SEPTIN9: variants seen among roughly 807,000 people sequenced by gnomAD.
SEPTIN9 encodes the protein septin-9.
SEPTIN9 carries 13 observed loss-of-function variants against 56.6 expected under a neutral mutation model. That is an observed-to-expected ratio of 0.23 (90% CI 0.15 to 0.37). The LOEUF (loss-of-function observed/expected upper bound fraction) is 0.37. Among genes scored for constraint, SEPTIN9 ranks in the 10% least tolerant of loss-of-function variants. The probability of loss-of-function intolerance (pLI) is 1.00; values close to 1 mark genes in which losing one functional copy is unlikely to be tolerated. For missense variants in SEPTIN9, 650 were observed against 823.1 expected, an observed-to-expected ratio of 0.79 and a Z score of 2.57; for synonymous variants, 332 against 334.1, an observed-to-expected ratio of 0.99 and a Z score of 0.07.
intron 4 of SEPTIN9, among the ~76,000 whole-genome samples, chr17:77,484,712 T>G (rs1196606431): frequency 1.1e-3 from 38 of 35,632 alleles, no homozygotes; most frequent in East Asian, 2.9e-3. Flanking sequence ...GGTGGTGATG[T>G]GGGTGGTGGT....
chr17:77,418,174 C>T (rs2036569190), intron 3 of SEPTIN9, among the ~76,000 whole-genome samples: 1 of 152,174 alleles, frequency 6.6e-6, no homozygotes, highest in African/African-American at 2.4e-5. Flanking sequence ...GAGGCCTGGA[C>T]ACAGGTGTGG....
At chr17:77,455,048 CT>C (rs75305961) in intron 3 of SEPTIN9, among the ~76,000 whole-genome samples, 1,523 of 145,208 alleles carry the variant, frequency 0.01, 16 homozygotes, top group African/African-American at 0.033. Context: ...GGCTCTCTTT[CT>C]TTTTTTTTTT....
chr17:77,412,251 C>G (rs560261238), intron 3 of SEPTIN9, among the ~76,000 whole-genome samples: 1 of 152,166 alleles, frequency 6.6e-6, no homozygotes, highest in Non-Finnish European at 1.5e-5. Context: ...GGGCCCTGTG[C>G]AGTGATGGTC....
rs565978600 is a variant in SEPTIN9 at position 77,453,960 on chromosome 17, C to A, written c.722-28184C>A. 1.1e-5 allele frequency: 8 copies of A among 751,044 alleles called. No individual in the cohort carries two copies. In the South Asian group the frequency reaches 3.6e-4, roughly 34 times the overall value. The allele number at this position is 751,044 out of a possible 1,614,324, so 46.5% of individuals were successfully genotyped here. A position where few individuals can be genotyped will look rare whatever the true frequency, so the allele number is the denominator to read the frequency against. Reference sequence around the variant, plus strand: ...GGCCCCTTTAAGAAGCCTGTCACCACCACCAGCAGCTTCCGTTATCTGGTT... The same window carrying A: ...GGCCCCTTTAAGAAGCCTGTCACCAACACCAGCAGCTTCCGTTATCTGGTT... On this transcript the variant is annotated intron_variant, in intron 3 of 11. Transcript: ENST00000427177. This position sits in a 1 kb window ranked among gnomAD's most constrained non-coding sequence, Gnocchi z 4.4.
intron 1 of SEPTIN9, among the ~76,000 whole-genome samples, chr17:77,297,359 G>T (rs544122268): frequency 6.6e-6 from 1 of 152,272 alleles, no homozygotes; most frequent in Non-Finnish European, 1.5e-5. Flanking sequence ...CTGCCTTTTT[G>T]TTGTCTGGCA....
intron 3 of SEPTIN9, among the ~76,000 whole-genome samples, chr17:77,470,208 G>A (rs996525336): frequency 1.4e-4 from 16 of 113,916 alleles, no homozygotes; most frequent in East Asian, 6.1e-4. Flanking sequence ...CTCATCATCC[G>A]TCCACTCACC....
intron 3 of SEPTIN9, among the ~76,000 whole-genome samples, chr17:77,479,255 G>A (rs886610180): frequency 2.6e-5 from 4 of 152,254 alleles, no homozygotes; most frequent in Admixed American, 1.3e-4. Context: ...AATGGAGTGG[G>A]TGATCTTTAC....
rs1367502753 is a variant in SEPTIN9 at position 77,429,546 on chromosome 17, G to C, written c.721+26843G>C. On this transcript the variant is annotated intron_variant, in intron 3 of 11. Coordinates refer to ENST00000427177, the MANE Select transcript of SEPTIN9 (RefSeq NM_001113491.2). This position sits in a 1 kb window ranked among gnomAD's most constrained non-coding sequence, Gnocchi z 5.2. ...GCGCAAGGCTGGTTCCTGTTTTCTGGGCTTTGATCGAAAGGGAACAGGGGA... is the reference window on the plus strand; with the variant it reads ...GCGCAAGGCTGGTTCCTGTTTTCTGCGCTTTGATCGAAAGGGAACAGGGGA... Among the ~76,000 whole-genome samples the C allele has an allele frequency of 1.3e-5, 2 of 152,230 alleles. No homozygotes were observed. The highest frequency in any genetic ancestry group is 2.9e-5 in the Non-Finnish European group (2 of 68,040).
intron 1 of SEPTIN9, among the ~76,000 whole-genome samples, chr17:77,287,674 C>A (rs1440309310): frequency 6.6e-6 from 1 of 152,188 alleles, no homozygotes; most frequent in African/African-American, 2.4e-5. Flanking sequence ...CCATTTGCAG[C>A]CCCTGTGAAG....
intron 2 of SEPTIN9, among the ~76,000 whole-genome samples, chr17:77,333,808 T>G (rs1041982569): frequency 6.6e-6 from 1 of 152,002 alleles, no homozygotes; most frequent in Admixed American, 6.6e-5. Flanking sequence ...CAAACTTCAT[T>G]TTTTTTTAAA....
At chr17:77,406,960 G>T (rs114817811) in intron 3 of SEPTIN9, among the ~76,000 whole-genome samples, 1 of 151,998 alleles carries the variant, frequency 6.6e-6, no homozygotes, top group Non-Finnish European at 1.5e-5. Flanking sequence ...TCATGCCACC[G>T]TGCCCAGCCT....
At chr17:77,478,210 G>A (rs2039303921) in intron 3 of SEPTIN9, among the ~76,000 whole-genome samples, 1 of 152,114 alleles carries the variant, frequency 6.6e-6, no homozygotes, top group African/African-American at 2.4e-5. Flanking sequence ...CAGTATAGTT[G>A]CCATTTATGA....
intron 3 of SEPTIN9, among the ~76,000 whole-genome samples, chr17:77,409,316 C>G (rs573198475): frequency 3.3e-5 from 5 of 152,062 alleles, no homozygotes; most frequent in Non-Finnish European, 7.4e-5. Context: ...TTGGCCAGGC[C>G]CGGTGTGTCT....
At chr17:77,411,764 G>T (rs1377809068) in intron 3 of SEPTIN9, among the ~76,000 whole-genome samples, 1 of 152,162 alleles carries the variant, frequency 6.6e-6, no homozygotes, top group Non-Finnish European at 1.5e-5. Flanking sequence ...AGATGTTCTC[G>T]CACTTGTACA....
rs1257782685 is a variant in SEPTIN9 at position 77,319,746 on chromosome 17, G to A, written c.76+12549G>A. ...TTAAACCCTTAAGCCCAAGGAAATC[G>A]TAGCATCGCGGGACAGGGAAAATGA... On this transcript the variant is annotated intron_variant, in intron 2 of 11. Transcript: ENST00000427177. This position sits in a 1 kb window ranked among gnomAD's most constrained non-coding sequence, Gnocchi z 5.3. 39 of 1,070,928 alleles carry A rather than the reference G, an allele frequency of 3.6e-5. No homozygotes were observed. The highest frequency in any genetic ancestry group is 1.3e-4 in the South Asian group (3 of 23,194). The allele number at this position is 1,070,928 out of a possible 1,614,324, so 66.3% of individuals were successfully genotyped here.
intron 10 of SEPTIN9, among the ~76,000 whole-genome samples, chr17:77,495,334 A>G (rs1056210599): frequency 6.6e-6 from 1 of 152,298 alleles, no homozygotes; most frequent in Non-Finnish European, 1.5e-5. Flanking sequence ...TGCCTTCAGC[A>G]CTGCTGGGTT....
intron 2 of SEPTIN9, among the ~76,000 whole-genome samples, chr17:77,334,385 G>A (rs1467520683): frequency 1.4e-5 from 2 of 140,138 alleles, no homozygotes; most frequent in African/African-American, 5.4e-5. Flanking sequence ...TTGCACCACT[G>A]CACTCCAGCC....
rs368401276 is a variant in SEPTIN9 at position 77,380,706 on chromosome 17, A to G, written c.77-21353A>G. Among the ~76,000 whole-genome samples, 27 of 152,232 alleles carry G rather than the reference A, an allele frequency of 1.8e-4. No homozygotes were observed. In the East Asian group the frequency reaches 2.9e-3, roughly 16 times the overall value. ...CCCTCCCCTGCCCCAAGCTCTGGTCACAGCCTCGGAGGGGTCATCTGAGTG... is the reference window on the plus strand; with the variant it reads ...CCCTCCCCTGCCCCAAGCTCTGGTCGCAGCCTCGGAGGGGTCATCTGAGTG... On this transcript the variant is annotated intron_variant, in intron 2 of 11. Transcript: ENST00000427177.
rs937255203 is a variant in SEPTIN9, at chr17:77,391,015, G to A, written c.77-11044G>A. Reference sequence around the variant, plus strand: ...AAAGCTCTGCGGCTGATGGGACCGAGCAGGAGAAGGGCCGGCGGAGGCTGG... The same window carrying A: ...AAAGCTCTGCGGCTGATGGGACCGAACAGGAGAAGGGCCGGCGGAGGCTGG... On this transcript the variant is annotated intron_variant, in intron 2 of 11. Coordinates refer to ENST00000427177, the MANE Select transcript of SEPTIN9 (RefSeq NM_001113491.2). 4.6e-5 allele frequency among the ~76,000 whole-genome samples: 7 copies of A among 152,340 alleles called. No homozygotes were observed. In the East Asian group the frequency reaches 1.2e-3, roughly 25 times the overall value.
Sources: allele counts gnomAD v4.1 joint callset (sites outside exome capture counted in the v4.1 genomes callset), GRCh38; gene constraint gnomAD v4.1.1; non-coding constraint Gnocchi (gnomAD v3.1); transcripts MANE v1.5; gene names NCBI Gene and HGNC (gene_info 2026-07-23, HGNC 2026-07-21).